The following KDM2A variants were observed in gnomAD, a reference collection of about 807,000 sequenced individuals.
KDM2A encodes lysine-specific demethylase 2A.
A neutral mutation model predicts 137.3 loss-of-function variants in KDM2A; 3 were observed. That is an observed-to-expected ratio of 0.02 (90% CI 0.01 to 0.06). The LOEUF (loss-of-function observed/expected upper bound fraction) is 0.06, where lower values mean the gene tolerates loss of function less well. Ranked by LOEUF, KDM2A falls within the 10% of genes least tolerant of loss-of-function variation. The probability of loss-of-function intolerance (pLI) is 1.00; values close to 1 mark genes in which losing one functional copy is unlikely to be tolerated. For missense variants in KDM2A, 738 were observed against 1,510.6 expected, an observed-to-expected ratio of 0.49 and a Z score of 8.48; for synonymous variants, 512 against 541.5, an observed-to-expected ratio of 0.95 and a Z score of 0.76.
Position 67,121,371 on chromosome 11 carries a change from TCCC to T in KDM2A, c.42+17_42+19del. On this transcript the variant is annotated intron_variant, in intron 2 of 20. Coordinates refer to ENST00000529006, the MANE Select transcript of KDM2A (RefSeq NM_012308.3). ...CAGCCAGAGATTGGTTAGTATTTTC[TCCC>T]CCCACCACACCCTCCAGTTTTAAAG... 1 of 1,611,626 alleles carries T rather than the reference TCCC, an allele frequency of 6.2e-7. No individual in the cohort carries two copies. Among genetic ancestry groups the T allele is most frequent in the Non-Finnish European group, 8.5e-7 (1 of 1,177,878 alleles).
In KDM2A at chr11:67,255,651, C is replaced by G. The variant is rs1234441915; in HGVS notation, c.*596C>G. The G allele has an allele frequency of 4.5e-6, 2 of 448,092 alleles. No homozygotes were observed. The highest frequency in any genetic ancestry group is 4.0e-5 in the African/African-American group (2 of 49,920). 27.8% of individuals were successfully genotyped at this position (448,092 alleles called of 1,614,324 possible). On this transcript the variant is annotated 3_prime_UTR_variant, in exon 21 of 21. Coordinates refer to ENST00000529006, the MANE Select transcript of KDM2A (RefSeq NM_012308.3). The stretch of plus-strand genomic sequence containing the variant: ...TCTCCCTCCTTTCCTCTCCCTTGAG[C>G]TTGGTTCTGCCCAGCACTCGTGCTT...
intron 2 of KDM2A, among the ~76,000 whole-genome samples, chr11:67,154,836 A>G (rs914287716): frequency 6.6e-6 from 1 of 152,168 alleles, no homozygotes; most frequent in South Asian, 2.1e-4. Context: ...GTGTTTTGGC[A>G]TGTATCAGCA....
At chr11:67,218,560 T>G (rs1799276023) in intron 9 of KDM2A, among the ~76,000 whole-genome samples, 1 of 152,134 alleles carries the variant, frequency 6.6e-6, no homozygotes, top group African/African-American at 2.4e-5. Context: ...TGCAATTATT[T>G]AAGCTTGTCA....
intron 9 of KDM2A, 44 bp from the exon 10 acceptor site, chr11:67,219,244 T>C: frequency 1.1e-6 from 1 of 938,192 alleles, no homozygotes; most frequent in Non-Finnish European, 1.6e-6. Flanking sequence ...AGACTTACTG[T>C]AATGTGTGTT....
At chr11:67,148,120 C>T (rs1231136913) in intron 2 of KDM2A, among the ~76,000 whole-genome samples, 1 of 152,000 alleles carries the variant, frequency 6.6e-6, no homozygotes, top group Non-Finnish European at 1.5e-5. Context: ...CTTTTGCATT[C>T]CTTTAAGAAA....
At chr11:67,154,454 C>CA (rs1175053907) in intron 2 of KDM2A, among the ~76,000 whole-genome samples, 2 of 152,090 alleles carry the variant, frequency 1.3e-5, no homozygotes, top group African/African-American at 2.4e-5. Context: ...TTTTTTAAGA[C>CA]AGAGTTTCAC....
chr11:67,210,338 G>GA lies in KDM2A; in HGVS notation c.486+2660dup, dbSNP rs143412349. Among the ~76,000 whole-genome samples, 124 of 139,804 alleles carry GA rather than the reference G, an allele frequency of 8.9e-4. No individual in the cohort carries two copies. In the Middle Eastern group the frequency reaches 0.011, roughly 12 times the overall value. 91.7% of individuals were successfully genotyped at this position (139,804 alleles called of 152,430 possible). Reference sequence around the variant, plus strand: ...ATAATAAGACCTTGTTTCTACTTTTGAAAAAAAAAACAAAAAACAAAAACT... The same window carrying GA: ...ATAATAAGACCTTGTTTCTACTTTTGAAAAAAAAAAACAAAAAACAAAAACT... On this transcript the variant is annotated intron_variant, in intron 6 of 20. Transcript: ENST00000529006.
intron 5 of KDM2A, among the ~76,000 whole-genome samples, chr11:67,192,506 G>A (rs7104726): frequency 0.043 from 5,569 of 128,892 alleles, 989 homozygotes; most frequent in African/African-American, 0.2. Context: ...GTGCAGTGGC[G>A]TGATCTTGGC....
chr11:67,211,455 A>G (rs985573369), intron 6 of KDM2A, among the ~76,000 whole-genome samples: 2 of 151,852 alleles, frequency 1.3e-5, no homozygotes, highest in African/African-American at 4.8e-5. Context: ...CTCTACTAAA[A>G]ATACAAAAAT....
chr11:67,124,728 T>C (rs1485470471), intron 2 of KDM2A, among the ~76,000 whole-genome samples: 1 of 151,528 alleles, frequency 6.6e-6, no homozygotes, highest in Non-Finnish European at 1.5e-5. Flanking sequence ...TTTCTTTAAG[T>C]TGTAAGGTGA....
intron 5 of KDM2A, chr11:67,196,742 A>G (rs145392517): frequency 3.4e-6 from 1 of 291,898 alleles, no homozygotes; most frequent in Non-Finnish European, 6.7e-6. Context: ...TAAAACGGCC[A>G]TAGTTTCAGT....
intron 16 of KDM2A, among the ~76,000 whole-genome samples, chr11:67,249,312 A>C (rs11227752): frequency 6.6e-6 from 1 of 152,208 alleles, no homozygotes; most frequent in Non-Finnish European, 1.5e-5. Flanking sequence ...CTTCTAATAC[A>C]TTGGAAAAGG....
chr11:67,132,659 G>A (rs1357203133), intron 2 of KDM2A, among the ~76,000 whole-genome samples: 1 of 152,168 alleles, frequency 6.6e-6, no homozygotes, highest in Non-Finnish European at 1.5e-5. Context: ...TTCAGGTCGG[G>A]GTGGTCTAGA....
intron 2 of KDM2A, among the ~76,000 whole-genome samples, chr11:67,141,894 C>A (rs1185813199): frequency 1.3e-5 from 2 of 151,650 alleles, no homozygotes; most frequent in Non-Finnish European, 2.9e-5. Flanking sequence ...CTTTTTAGTT[C>A]TTTAATATTT....
At chr11:67,236,681 A>G (rs532482020) in intron 12 of KDM2A, among the ~76,000 whole-genome samples, 1 of 152,284 alleles carries the variant, frequency 6.6e-6, no homozygotes, top group Non-Finnish European at 1.5e-5. Flanking sequence ...ATGGAAACCT[A>G]TTTTCTCCTC....
chr11:67,191,915 T>C (rs1223173093), intron 5 of KDM2A, among the ~76,000 whole-genome samples: 3 of 152,242 alleles, frequency 2.0e-5, no homozygotes, highest in Non-Finnish European at 2.9e-5. Flanking sequence ...GCAGATGATA[T>C]GACTTTTTTA....
intron 2 of KDM2A, among the ~76,000 whole-genome samples, chr11:67,137,493 A>G (rs1435390087): frequency 2.0e-5 from 3 of 152,216 alleles, no homozygotes; most frequent in Admixed American, 6.5e-5. Context: ...GATTGATTCT[A>G]TGAGAACTAT....
intron 10 of KDM2A, among the ~76,000 whole-genome samples, chr11:67,220,473 C>T (rs1858312288): frequency 6.6e-6 from 1 of 152,112 alleles, no homozygotes; most frequent in African/African-American, 2.4e-5. Context: ...TGACTATACT[C>T]AAAGCATCTT....
intron 2 of KDM2A, among the ~76,000 whole-genome samples, chr11:67,160,259 T>C (rs182111895): frequency 2.8e-4 from 43 of 152,286 alleles, no homozygotes; most frequent in African/African-American, 1.0e-3. Context: ...CCTCGAGGGA[T>C]CATTATTGAT....
Sources: allele counts gnomAD v4.1 joint callset (sites outside exome capture counted in the v4.1 genomes callset), GRCh38; gene constraint gnomAD v4.1.1; transcripts MANE v1.5; gene names NCBI Gene and HGNC (gene_info 2026-07-23, HGNC 2026-07-21).